The following IL17RB variants were observed in gnomAD, a reference collection of about 807,000 sequenced individuals.
IL17RB encodes interleukin-17 receptor B.
IL17RB carries 36 observed loss-of-function variants against 43.9 expected under a neutral mutation model. That is an observed-to-expected ratio of 0.82 (90% CI 0.63 to 1.08). IL17RB has a LOEUF of 1.08. Ranked by LOEUF, IL17RB falls within the 50% of genes least tolerant of loss-of-function variation. The probability of loss-of-function intolerance (pLI) is 0.00; values close to 1 mark genes in which losing one functional copy is unlikely to be tolerated. For synonymous variants in IL17RB, 225 were observed against 225.4 expected (o/e 1.00, Z 0.02); for missense variants, 613 against 613.6 (o/e 1.00, Z 0.01).
At chr3:53,849,125 G>T (rs1203734731) in intron 2 of IL17RB, among the ~76,000 whole-genome samples, 1 of 152,246 alleles carries the variant, frequency 6.6e-6, no homozygotes, top group Non-Finnish European at 1.5e-5. Context: ...CACCAGCAAA[G>T]GTTAGGAGGT....
intron 4 of IL17RB, among the ~76,000 whole-genome samples, chr3:53,852,446 T>G (rs755939608): frequency 6.6e-6 from 1 of 151,710 alleles, no homozygotes; most frequent in Non-Finnish European, 1.5e-5. Context: ...TAGACACTTT[T>G]ATGTATTTGG....
At chr3:53,855,773 G>C (rs1699312590) in intron 6 of IL17RB, among the ~76,000 whole-genome samples, 1 of 152,188 alleles carries the variant, frequency 6.6e-6, no homozygotes, top group Admixed American at 6.5e-5. Flanking sequence ...AAACATTCGA[G>C]GTGGGAGTGT....
chr3:53,846,687 C>T, intron 1 of IL17RB, 39 bp downstream of exon 1: 1 of 1,550,626 alleles, frequency 6.4e-7, no homozygotes, highest in Non-Finnish European at 8.7e-7. Flanking sequence ...ATCTCCCGGC[C>T]CTCGAGCCCA....
At position 53,857,982 on chromosome 3, in the gene IL17RB, C is replaced by T. The variant is rs115791608; in HGVS notation, c.747+292C>T. 2,690 of 367,302 alleles carry T rather than the reference C, an allele frequency of 7.3e-3. 19 individuals are homozygous for T. The highest frequency in any genetic ancestry group is 0.015 in the Middle Eastern group (18 of 1,222). 22.8% of individuals were successfully genotyped at this position (367,302 alleles called of 1,614,324 possible). A position where few individuals can be genotyped will look rare whatever the true frequency, so the allele number is the denominator to read the frequency against. ...AGGGATAGCAGTACCATTTTACTTC[C>T]GCAAGCCTTTAACTGCAAGATGAAG... On this transcript the variant is annotated intron_variant, in intron 8 of 10. Coordinates refer to ENST00000288167, the MANE Select transcript of IL17RB (RefSeq NM_018725.4).
intron 5 of IL17RB, among the ~76,000 whole-genome samples, chr3:53,853,637 G>C (rs184491455): frequency 6.6e-6 from 1 of 152,214 alleles, no homozygotes; most frequent in African/African-American, 2.4e-5. Flanking sequence ...TGATGAGGAT[G>C]AGACAGGATG....
chr3:53,854,977 C>T lies in IL17RB; in HGVS notation c.482-317C>T, dbSNP rs933367327. Among the ~76,000 whole-genome samples, 6 of 151,880 alleles carry T rather than the reference C, an allele frequency of 4.0e-5. No homozygotes were observed. The South Asian group carries it at 6.2e-4, about 16-fold the overall frequency. On this transcript the variant is annotated intron_variant, in intron 5 of 10. Transcript: ENST00000288167. ...AGAGCCCCACAAAAAATTAGCCGGG[C>T]GTGGTGGCGGGCGCCTGTAGTCCCA...
chr3:53,858,605 C>G lies in IL17RB; in HGVS notation c.748-114C>G, dbSNP rs1025446170. 3.4e-6 allele frequency: 5 copies of G among 1,492,270 alleles called. No homozygotes were observed. The African/African-American group carries it at 5.6e-5, about 17-fold the overall frequency. The allele number at this position is 1,492,270 out of a possible 1,614,324, so 92.4% of individuals were successfully genotyped here. On this transcript the variant is annotated intron_variant, in intron 8 of 10. Coordinates refer to ENST00000288167, the MANE Select transcript of IL17RB (RefSeq NM_018725.4). ...CAAGGGGAAAATGTGCATGACAACA[C>G]TAGAGGTATGGGCGAAGCCAGAAAG...
intron 3 of IL17RB, among the ~76,000 whole-genome samples, chr3:53,850,633 A>C (rs1359822467): frequency 1.3e-5 from 2 of 151,090 alleles, no homozygotes; most frequent in African/African-American, 4.9e-5. Flanking sequence ...GTGAAACTCC[A>C]TCTCTCCTAA....
At chr3:53,856,588 A>G (rs1040967684) in intron 6 of IL17RB, among the ~76,000 whole-genome samples, 2 of 152,200 alleles carry the variant, frequency 1.3e-5, no homozygotes, top group African/African-American at 4.8e-5. Context: ...AGCAGAACCA[A>G]TCCGTGCCTC....
chr3:53,863,201 A>C (rs1699629349), intron 10 of IL17RB, among the ~76,000 whole-genome samples: 1 of 152,254 alleles, frequency 6.6e-6, no homozygotes, highest in Non-Finnish European at 1.5e-5. Flanking sequence ...TCCAGTCAAC[A>C]GTAGGCTATT....
chr3:53,848,630 T>G (rs1470967903), intron 1 of IL17RB, 34 bp from the exon 2 acceptor site: 2 of 1,529,864 alleles, frequency 1.3e-6, no homozygotes, highest in Non-Finnish European at 1.7e-6. Context: ...GTTTGCCGGC[T>G]TCAACGTGAC....
intron 10 of IL17RB, 44 bp from the exon 11 acceptor site, chr3:53,864,702 C>G: frequency 2.2e-6 from 3 of 1,382,436 alleles, no homozygotes; most frequent in Non-Finnish European, 3.0e-6. Context: ...TGAAAGCCTG[C>G]TGTTTGCTGT....
chr3:53,865,173 T>G lies in IL17RB; in HGVS notation c.1374T>G (p.Asn458Lys). The change falls in exon 11 of 11, where the codon AAT becomes AAG. Residue 458 changes from asparagine (N) to lysine (K), a missense_variant. By Grantham distance (94) the Asn-to-Lys change is moderately conservative. Transcript: ENST00000288167. ...FREIDTKDDY[N>K]ALSVCPKYHL... ...AGATTGATACAAAAGACGATTACAATGCTCTCAGTGTCTGCCCCAAGTACC... is the reference window on the plus strand; with the variant it reads ...AGATTGATACAAAAGACGATTACAAGGCTCTCAGTGTCTGCCCCAAGTACC... The G allele has an allele frequency of 6.2e-7, 1 of 1,614,166 alleles. No individual in the cohort carries two copies. Among genetic ancestry groups the G allele is most frequent in the South Asian group, 1.1e-5 (1 of 91,080 alleles).
chr3:53,855,232 C>T, intron 5 of IL17RB, 62 bp from the exon 6 acceptor site: 2 of 1,137,936 alleles, frequency 1.8e-6, no homozygotes, highest in Non-Finnish European at 2.6e-6. Flanking sequence ...GTGCACTTGG[C>T]AAAGGGGGTG....
chr3:53,862,241 AT>A (rs1193669848), intron 10 of IL17RB, among the ~76,000 whole-genome samples: 15 of 152,056 alleles, frequency 9.9e-5, no homozygotes, highest in African/African-American at 3.6e-4. Context: ...CCCCAAACAC[AT>A]CATAATTTGG....
At position 53,856,973 on chromosome 3, in the gene IL17RB, C is replaced by G. The variant is rs1699358128; in HGVS notation, c.659C>G (p.Ser220Cys). 1 of 1,614,064 alleles carries G rather than the reference C, an allele frequency of 6.2e-7. No homozygotes were observed. Among genetic ancestry groups the G allele is most frequent in the East Asian group, 2.2e-5 (1 of 44,880 alleles). Reference sequence around the variant, plus strand: ...CAACACAGCACTATCATCGGGTTTTCTCAGGTGTTTGAGGTACTTTTTCTC... The same window carrying G: ...CAACACAGCACTATCATCGGGTTTTGTCAGGTGTTTGAGGTACTTTTTCTC... ...LIQHSTIIGF[S>C]QVFEPHQKKQ... The change falls in exon 7 of 11, where the codon TCT (serine) becomes TGT (cysteine). Residue 220 changes from serine (S) to cysteine (C), a missense_variant. Transcript: ENST00000288167.
intron 3 of IL17RB, 139 bp downstream of exon 3, chr3:53,849,934 G>T: frequency 1.4e-6 from 1 of 704,116 alleles, no homozygotes; most frequent in East Asian, 3.0e-5. Context: ...CACATACTAG[G>T]GTGATCGCAG....
At position 53,857,682 on chromosome 3, in the gene IL17RB, A is replaced by G; in HGVS notation, c.739A>G (p.Thr247Ala). 6.2e-7 allele frequency: 1 copy of G among 1,613,972 alleles called. No individual in the cohort carries two copies. The highest frequency in any genetic ancestry group is 8.5e-7 in the Non-Finnish European group (1 of 1,179,846). ...AGTGACTGGGGATAGTGAAGGTGCT[A>G]CGGTGCAGGTAAAGTTCAGTGAGCT... ...IPVTGDSEGA[T>A]VQLTPYFPTC... Residue 247 changes from threonine to alanine, a missense_variant, in exon 8 of 11, where the codon ACG (threonine) becomes GCG (alanine). Physicochemically the swap from Thr to Ala is moderately conservative, Grantham distance 58 (BLOSUM62 0). Transcript: ENST00000288167.
At chr3:53,848,096 C>T (rs933412734) in intron 1 of IL17RB, among the ~76,000 whole-genome samples, 1 of 152,188 alleles carries the variant, frequency 6.6e-6, no homozygotes, top group African/African-American at 2.4e-5. Flanking sequence ...TAACTTCAAA[C>T]GATTTAGTAC....
Sources: gnomAD v4.1 joint callset for allele counts (sites outside exome capture counted in the v4.1 genomes callset) on GRCh38, gnomAD v4.1.1 for gene constraint, MANE v1.5 for transcripts, NCBI Gene and HGNC (gene_info 2026-07-23, HGNC 2026-07-21) for gene names.